CEP164: variants seen among roughly 807,000 people sequenced by gnomAD.
CEP164 encodes the protein centrosomal protein 164.
CEP164 carries 162 observed loss-of-function variants against 182.7 expected under a neutral mutation model. That is an observed-to-expected ratio of 0.89 (90% CI 0.78 to 1.01). The LOEUF is 1.01. Among genes scored for constraint, CEP164 ranks in the 50% least tolerant of loss-of-function variants. The pLI is 0.00. For synonymous variants in CEP164, 661 were observed against 690.0 expected, an observed-to-expected ratio of 0.96 and a Z score of 0.66; for missense variants, 1,735 against 1,790.4, an observed-to-expected ratio of 0.97 and a Z score of 0.56.
At chr11:117,374,756 A>T (rs1000857760) in intron 10 of CEP164, among the ~76,000 whole-genome samples, 1 of 152,252 alleles carries the variant, frequency 6.6e-6, no homozygotes, top group African/African-American at 2.4e-5. Flanking sequence ...GCAGTCACCC[A>T]TGTGGAGAAA....
In CEP164 at chr11:117,409,574, C is replaced by CCTGAGCTTGAGT. The variant is rs781390209; in HGVS notation, c.3749-42_3749-31dup. Reference sequence around the variant, plus strand: ...GCTGTGTCTGGGAATGGTCCAGGGTCCTGAGCTTGAGTCCCTTCCCACCAT... The same window carrying CCTGAGCTTGAGT: ...GCTGTGTCTGGGAATGGTCCAGGGTCCTGAGCTTGAGTCTGAGCTTGAGTCCCTTCCCACCAT... On this transcript the variant is annotated intron_variant, in intron 29 of 32. Transcript: ENST00000278935. This position sits in a 1 kb window ranked among gnomAD's most constrained non-coding sequence, Gnocchi z 4.4. 3.2e-6 allele frequency: 5 copies of CCTGAGCTTGAGT among 1,540,618 alleles called. No homozygotes were observed. The highest frequency in any genetic ancestry group is 4.4e-6 in the Non-Finnish European group (5 of 1,131,284).
chr11:117,393,785 A>G (rs1178919147), intron 20 of CEP164, among the ~76,000 whole-genome samples: 3 of 152,214 alleles, frequency 2.0e-5, no homozygotes, highest in African/African-American at 7.2e-5. Flanking sequence ...GTCTTAAGGT[A>G]GGAAAGTTCA....
At chr11:117,387,971 G>T (rs574873) in intron 15 of CEP164, among the ~76,000 whole-genome samples, 5,731 of 152,294 alleles carry the variant, frequency 0.038, 182 homozygotes, top group Non-Finnish European at 0.058. Flanking sequence ...CTGACATAGG[G>T]TCTGTCCTTA....
At chr11:117,327,532 C>G (rs184854679), upstream of CEP164, among the ~76,000 whole-genome samples, 268 of 149,764 alleles carry the variant, frequency 1.8e-3, no homozygotes, top group Non-Finnish European at 2.8e-3. Flanking sequence ...GAACTCCTGA[C>G]CTCAGGTGAC....
intron 5 of CEP164, among the ~76,000 whole-genome samples, chr11:117,353,392 G>A (rs1481206821): frequency 6.6e-6 from 1 of 152,176 alleles, no homozygotes; most frequent in African/African-American, 2.4e-5. Flanking sequence ...ATTTTCCAAT[G>A]TCATGTGTTT....
chr11:117,395,383 G>A (rs566367897), intron 23 of CEP164, among the ~76,000 whole-genome samples, 164 bp from the exon 24 acceptor site: 5 of 152,300 alleles, frequency 3.3e-5, no homozygotes, highest in Non-Finnish European at 5.9e-5. Flanking sequence ...ACTGTGGTAG[G>A]ACAGGAGCCT....
chr11:117,392,978 C>T (rs746976440), intron 19 of CEP164, 26 bp from the exon 20 acceptor site: 13 of 1,611,598 alleles, frequency 8.1e-6, no homozygotes, highest in Middle Eastern at 3.4e-4. Context: ...GTTCTTCATG[C>T]CACATCCCTG....
chr11:117,379,210 C>CG (rs1391947902), intron 11 of CEP164, among the ~76,000 whole-genome samples: 1 of 152,140 alleles, frequency 6.6e-6, no homozygotes, highest in African/African-American at 2.4e-5. Flanking sequence ...CTACAGGCAC[C>CG]GGGAGGTACT....
intron 8 of CEP164, chr11:117,364,118 G>C (rs1416809733): frequency 6.6e-6 from 1 of 152,048 alleles, no homozygotes; most frequent in Admixed American, 6.5e-5. Context: ...CCTTTGTTTA[G>C]TGTCCAGTGT....
At position 117,409,734 on chromosome 11, in the gene CEP164, TCG is replaced by T; in HGVS notation, c.3867_3868del (p.Pro1290AlafsTer17). The T allele has an allele frequency of 6.2e-7, 1 of 1,613,858 alleles. No homozygotes were observed. The highest frequency in any genetic ancestry group is 8.5e-7 in the Non-Finnish European group (1 of 1,179,852). On this transcript the variant is annotated frameshift_variant, in exon 30 of 33. Transcript: ENST00000278935. LOFTEE classifies it high-confidence loss of function. The surrounding 1 kb of genome is among the most constrained non-coding windows in gnomAD (Gnocchi z 4.4). The part of the protein sequence containing the change: ...LSILDSLNPQ[S>X]PPPLLASMPA... ...CATCCTGGACAGCCTCAACCCTCAGTCGCCGCCGCCGCTCCTCGCCTCCATGC... is the reference window on the plus strand; with the variant it reads ...CATCCTGGACAGCCTCAACCCTCAGTCCGCCGCCGCTCCTCGCCTCCATGC...
intron 3 of CEP164, among the ~76,000 whole-genome samples, chr11:117,343,629 C>CTTTT (rs558296878): frequency 1.5e-5 from 2 of 129,720 alleles, no homozygotes; most frequent in African/African-American, 2.9e-5. Context: ...TATTTTTTGC[C>CTTTT]TTTTTTTTTT....
At chr11:117,395,385 C>A (rs1181428537) in intron 23 of CEP164, among the ~76,000 whole-genome samples, 162 bp from the exon 24 acceptor site, 1 of 152,184 alleles carries the variant, frequency 6.6e-6, no homozygotes, top group Non-Finnish European at 1.5e-5. Context: ...TGTGGTAGGA[C>A]AGGAGCCTGC....
intron 12 of CEP164, among the ~76,000 whole-genome samples, 162 bp downstream of exon 12, chr11:117,380,867 G>C (rs188642075): frequency 6.6e-6 from 1 of 152,356 alleles, no homozygotes; most frequent in African/African-American, 2.4e-5. Context: ...GTGCACATGC[G>C]TGTGTATATG....
At chr11:117,395,221 G>A (rs774169194) in intron 23 of CEP164, 30 bp downstream of exon 23, 1 of 1,608,122 alleles carries the variant, frequency 6.2e-7, no homozygotes, top group South Asian at 1.1e-5. Flanking sequence ...CCTCCCTCCT[G>A]TTCTTCCTCC....
At chr11:117,341,317 A>G (rs978028614) in intron 3 of CEP164, among the ~76,000 whole-genome samples, 1 of 152,158 alleles carries the variant, frequency 6.6e-6, no homozygotes, top group African/African-American at 2.4e-5. Context: ...TTTATAAAGC[A>G]GATCATGTCA....
chr11:117,404,402 C>T (rs534219318), intron 27 of CEP164, among the ~76,000 whole-genome samples: 1 of 152,268 alleles, frequency 6.6e-6, no homozygotes, highest in African/African-American at 2.4e-5. Flanking sequence ...TTCCTTCTAA[C>T]AGGCCACTTT....
intron 8 of CEP164, among the ~76,000 whole-genome samples, chr11:117,370,676 T>C (rs1045867568): frequency 1.3e-5 from 2 of 152,138 alleles, no homozygotes. Flanking sequence ...TTTGGGAGGC[T>C]GAGGCGGGTG....
At position 117,409,437 on chromosome 11, in the gene CEP164, C is replaced by T. The variant is rs2047073066; in HGVS notation, c.3749-181C>T. On this transcript the variant is annotated intron_variant, in intron 29 of 32. Transcript: ENST00000278935. The surrounding 1 kb of genome is among the most constrained non-coding windows in gnomAD (Gnocchi z 4.4). ...AACCTGTTTCTCATGGCCAGCTTCT[C>T]ACTTGCACTGTCTGGAACACAGAAG... is the stretch of plus-strand genomic sequence containing the variant. The T allele has an allele frequency of 1.6e-6, 1 of 632,812 alleles. No homozygotes were observed. Among genetic ancestry groups the T allele is most frequent in the Non-Finnish European group, 2.7e-6 (1 of 364,598 alleles). 39.2% of individuals were successfully genotyped at this position (632,812 alleles called of 1,614,324 possible).
chr11:117,397,254 G>T lies in CEP164; in HGVS notation c.3442G>T (p.Val1148Leu), dbSNP rs767867022. ...CCATGAGCTGGCCAGTGCGCAGGAGGTGGCCAAAGACCCACCAGGCATCAA... is the reference window on the plus strand; with the variant it reads ...CCATGAGCTGGCCAGTGCGCAGGAGTTGGCCAAAGACCCACCAGGCATCAA... ...WRHELASAQE[V>L]AKDPPGIKAL... Residue 1148 changes from valine (V) to leucine (L), a missense_variant, in exon 27 of 33, where the codon GTG (valine) becomes TTG (leucine). Val to Leu is a conservative substitution (Grantham distance 32, BLOSUM62 1). Coordinates refer to ENST00000278935, the MANE Select transcript of CEP164 (RefSeq NM_014956.5). The T allele has an allele frequency of 1.2e-6, 2 of 1,614,148 alleles. No homozygotes were observed. Among genetic ancestry groups the T allele is most frequent in the South Asian group, 2.2e-5 (2 of 91,076 alleles).
Sources: gnomAD v4.1 joint callset for allele counts (sites outside exome capture counted in the v4.1 genomes callset) on GRCh38, gnomAD v4.1.1 for gene constraint, Gnocchi (gnomAD v3.1) non-coding constraint, MANE v1.5 for transcripts, NCBI Gene and HGNC (gene_info 2026-07-23, HGNC 2026-07-21) for gene names.